The following RAPGEF2 variants were observed in gnomAD, a reference collection of about 807,000 sequenced individuals.
RAPGEF2 encodes the protein PDZ domain containing guanine nucleotide exchange factor (GEF) 1.
In RAPGEF2, 54 loss-of-function variants were observed where a neutral mutation model predicts 186.7. The ratio of observed to expected loss-of-function variants is 0.29; its 90% CI spans 0.23 to 0.36. The LOEUF (loss-of-function observed/expected upper bound fraction) is 0.36, where lower values mean the gene tolerates loss of function less well. Ranked by LOEUF, RAPGEF2 falls within the 10% of genes least tolerant of loss-of-function variation. The pLI is 1.00. For missense variants in RAPGEF2, 1,532 were observed against 2,045.0 expected, an observed-to-expected ratio of 0.75 and a Z score of 4.84; for synonymous variants, 712 against 705.9, an observed-to-expected ratio of 1.01 and a Z score of -0.14.
chr4:159,145,909 C>G (rs1742909623), intron 1 of RAPGEF2, among the ~76,000 whole-genome samples: 2 of 152,106 alleles, frequency 1.3e-5, no homozygotes, highest in Admixed American at 1.3e-4. Flanking sequence ...AAACAAGTAG[C>G]TGGCTTGTCA....
intron 1 of RAPGEF2, among the ~76,000 whole-genome samples, chr4:159,114,922 A>G (rs1027909423): frequency 5.3e-5 from 8 of 152,206 alleles, no homozygotes; most frequent in African/African-American, 1.7e-4. Flanking sequence ...AGCTATGGAT[A>G]ATAGTGTTAT....
intron 7 of RAPGEF2, among the ~76,000 whole-genome samples, chr4:159,279,497 T>C (rs547879531): frequency 6.6e-6 from 1 of 152,318 alleles, no homozygotes; most frequent in East Asian, 1.9e-4. Context: ...AGGGCTTTCA[T>C]AAGTGCCATG....
At chr4:159,170,489 C>T (rs1350870275) in intron 1 of RAPGEF2, among the ~76,000 whole-genome samples, 3 of 152,130 alleles carry the variant, frequency 2.0e-5, no homozygotes, top group East Asian at 3.8e-4. Context: ...ATAGTATTTA[C>T]ATGGCATTAG....
At chr4:159,124,455 C>T (rs1036428960) in intron 1 of RAPGEF2, among the ~76,000 whole-genome samples, 1 of 152,044 alleles carries the variant, frequency 6.6e-6, no homozygotes. Flanking sequence ...AGGAGAATTG[C>T]TTGAACCTGG....
intron 1 of RAPGEF2, among the ~76,000 whole-genome samples, chr4:159,139,740 A>G (rs1304512257): frequency 2.0e-5 from 3 of 152,202 alleles, no homozygotes; most frequent in Non-Finnish European, 2.9e-5. Flanking sequence ...CAGTGTTAGT[A>G]AGTGGACAGT....
Position 159,307,513 on chromosome 4 carries a change from G to A in RAPGEF2, c.675+3040G>A, listed in dbSNP as rs138956211. Among the ~76,000 whole-genome samples the A allele has an allele frequency of 3.0e-3, 461 of 152,166 alleles. 1 individual carries two copies. The highest frequency in any genetic ancestry group is 0.01 in the African/African-American group (433 of 41,518). ...AGTTGTATTTTAGTTTATATTAATTGAAATATTATGGCAGAGCCTTCATCC... is the reference window on the plus strand; with the variant it reads ...AGTTGTATTTTAGTTTATATTAATTAAAATATTATGGCAGAGCCTTCATCC... On this transcript the variant is annotated intron_variant, in intron 8 of 29. Coordinates refer to ENST00000691494, the MANE Select transcript of RAPGEF2 (RefSeq NM_001394067.2).
In RAPGEF2 at chr4:159,186,682, C is replaced by T; in HGVS notation, c.110C>T (p.Ala37Val). ...TATTCCTATTTACATGGTATGGAAG[C>T]CTTATCAAACTTGAGGGAGCATCAA... ...IVYSYLHGME[A>V]LSNLREHQLR... is the part of the protein sequence containing the mutation. The change falls in exon 2 of 30, where the codon GCC becomes GTC. Residue 37 changes from alanine to valine, a missense_variant. Physicochemically the swap from Ala to Val is moderately conservative, Grantham distance 64. This residue lies in a region of RAPGEF2 where 810 missense variants were observed against 1,210.5 expected (regional missense o/e 0.67). Transcript: ENST00000691494. 6.8e-7 allele frequency: 1 copy of T among 1,474,132 alleles called. No homozygotes were observed. The highest frequency in any genetic ancestry group is 9.1e-7 in the Non-Finnish European group (1 of 1,099,556). 91.3% of individuals were successfully genotyped at this position (1,474,132 alleles called of 1,614,324 possible). A position where few individuals can be genotyped will look rare whatever the true frequency, so the allele number is the denominator to read the frequency against.
intron 1 of RAPGEF2, among the ~76,000 whole-genome samples, chr4:159,123,149 T>C (rs779217608): frequency 1.3e-5 from 2 of 152,180 alleles, no homozygotes; most frequent in South Asian, 4.1e-4. Flanking sequence ...AGTAGGCTAT[T>C]AGTAGCTAAG....
At chr4:159,314,987 T>C (rs1352461108) in intron 9 of RAPGEF2, among the ~76,000 whole-genome samples, 2 of 152,156 alleles carry the variant, frequency 1.3e-5, no homozygotes, top group Non-Finnish European at 2.9e-5. Flanking sequence ...GAATGAAACT[T>C]CTTAGTAAAC....
chr4:159,126,894 C>T (rs1291176020), intron 1 of RAPGEF2, among the ~76,000 whole-genome samples: 1 of 152,186 alleles, frequency 6.6e-6, no homozygotes, highest in Non-Finnish European at 1.5e-5. Context: ...TGTCAAGAAT[C>T]ATATTTGTAA....
chr4:159,238,893 A>G lies in RAPGEF2; in HGVS notation c.357+9A>G, dbSNP rs1017370530. The stretch of plus-strand genomic sequence containing the variant: ...CTTCTGAAATGATTGTGGTAAGAGT[A>G]TTTCTGTGAGGACTATTTTTCCCCT... On this transcript the variant is annotated intron_variant, in intron 5 of 29. Transcript: ENST00000691494. 3 of 1,478,704 alleles carry G rather than the reference A, an allele frequency of 2.0e-6. No individual in the cohort carries two copies. The highest frequency in any genetic ancestry group is 2.7e-6 in the Non-Finnish European group (3 of 1,123,416). The allele number at this position is 1,478,704 out of a possible 1,614,324, so 91.6% of individuals were successfully genotyped here. A position where few individuals can be genotyped will look rare whatever the true frequency, so the allele number is the denominator to read the frequency against.
chr4:159,244,758 A>G (rs1023644158), intron 7 of RAPGEF2, among the ~76,000 whole-genome samples: 8 of 151,966 alleles, frequency 5.3e-5, no homozygotes, highest in Non-Finnish European at 1.2e-4. Flanking sequence ...TAATTTTTCG[A>G]ATTAAAATGA....
intron 7 of RAPGEF2, among the ~76,000 whole-genome samples, chr4:159,288,350 T>C (rs559491687): frequency 6.6e-6 from 1 of 152,320 alleles, no homozygotes; most frequent in South Asian, 2.1e-4. Context: ...ATCACCTTTA[T>C]GGTGCTTCCA....
intron 9 of RAPGEF2, among the ~76,000 whole-genome samples, chr4:159,318,337 T>C (rs1450475409): frequency 6.6e-6 from 1 of 152,218 alleles, no homozygotes; most frequent in Non-Finnish European, 1.5e-5. Flanking sequence ...TTAGTTAAAA[T>C]AGACAACCTT....
chr4:159,155,136 A>G lies in RAPGEF2; in HGVS notation c.70-31506A>G, dbSNP rs1433989796. Among the ~76,000 whole-genome samples the G allele has an allele frequency of 8.5e-5, 13 of 152,208 alleles. No individual in the cohort carries two copies. In the South Asian group the frequency reaches 1.9e-3, roughly 22 times the overall value. ...GATTAACACAGTGAAACTGTCAGCT[A>G]GTATGTTTCCTGTGATTCTCAAATT... On this transcript the variant is annotated intron_variant, in intron 1 of 29. Transcript: ENST00000691494.
intron 1 of RAPGEF2, among the ~76,000 whole-genome samples, chr4:159,106,968 A>G (rs1198557834): frequency 6.6e-6 from 1 of 152,186 alleles, no homozygotes; most frequent in Non-Finnish European, 1.5e-5. Flanking sequence ...GGGGAATAGT[A>G]AGGAGAAATA....
At chr4:159,143,972 A>C (rs751467195) in intron 1 of RAPGEF2, among the ~76,000 whole-genome samples, 1 of 152,162 alleles carries the variant, frequency 6.6e-6, no homozygotes, top group Non-Finnish European at 1.5e-5. Context: ...CCAGGTGCCC[A>C]CTGGTCTTTT....
At chr4:159,215,353 T>C (rs1283007187) in intron 4 of RAPGEF2, among the ~76,000 whole-genome samples, 3 of 150,214 alleles carry the variant, frequency 2.0e-5, no homozygotes, top group Non-Finnish European at 4.4e-5. Context: ...GAAAAATATT[T>C]TGGGGGAAAG....
intron 1 of RAPGEF2, among the ~76,000 whole-genome samples, chr4:159,115,150 G>C (rs1738906173): frequency 6.6e-6 from 1 of 151,660 alleles, no homozygotes; most frequent in Admixed American, 6.6e-5. Flanking sequence ...TTGATTTTTT[G>C]GTAGTGAGTA....
Sources: allele counts gnomAD v4.1 joint callset (sites outside exome capture counted in the v4.1 genomes callset), GRCh38; gene constraint gnomAD v4.1.1; regional missense constraint gnomAD v4.1.1; transcripts MANE v1.5; gene names NCBI Gene and HGNC (gene_info 2026-07-23, HGNC 2026-07-21).